Variants in GRHL2 observed in about 807,000 individuals in gnomAD.
GRHL2 encodes the protein grainyhead like transcription factor 2, also known as grainyhead-like protein 2 homolog.
Under a neutral mutation model 83.8 loss-of-function variants are expected in GRHL2, and 21 were observed. The ratio of observed to expected loss-of-function variants is 0.25; its 90% CI spans 0.18 to 0.36. GRHL2 has a LOEUF of 0.36. GRHL2 is among the 10% of genes least tolerant of loss of function. The pLI is 1.00. For synonymous variants in GRHL2, 280 were observed against 278.9 expected, an observed-to-expected ratio of 1.00 and a Z score of -0.04; for missense variants, 623 against 781.8, an observed-to-expected ratio of 0.80 and a Z score of 2.42.
chr8:101,559,353 C>CAAAAAAAAAAAAAAAAAAAA (rs34176940), intron 4 of GRHL2, among the ~76,000 whole-genome samples: 5 of 88,942 alleles, frequency 5.6e-5, no homozygotes, highest in African/African-American at 2.1e-4. Context: ...ACTAAAAATA[C>CAAAAAAAAAAAAAAAAAAAA]AAAAAAAAAA....
rs1250272089 is a variant in GRHL2, at chr8:101,657,646, C to T, written c.1699-6808C>T. 3.9e-5 allele frequency among the ~76,000 whole-genome samples: 6 copies of T among 152,186 alleles called. No homozygotes were observed. The East Asian group carries it at 9.7e-4, about 25-fold the overall frequency. On this transcript the variant is annotated intron_variant, in intron 14 of 15. Coordinates refer to ENST00000646743, the MANE Select transcript of GRHL2 (RefSeq NM_024915.4). ...ACGAGGTCAGGAGATTGAGACCATC[C>T]TGGCTAACATGGTGAAACCCCGTCT... is the stretch of plus-strand genomic sequence containing the variant.
At chr8:101,500,374 T>G (rs1278534678) in intron 1 of GRHL2, among the ~76,000 whole-genome samples, 2 of 152,212 alleles carry the variant, frequency 1.3e-5, no homozygotes, top group African/African-American at 4.8e-5. Flanking sequence ...CTGCATAGTT[T>G]CTTCCTTTGG....
At chr8:101,620,034 T>C (rs1586149658) in intron 9 of GRHL2, among the ~76,000 whole-genome samples, 2 of 152,174 alleles carry the variant, frequency 1.3e-5, no homozygotes, top group African/African-American at 4.8e-5. Context: ...GGCTGGAAAG[T>C]CCAAGGTCAA....
Position 101,643,095 on chromosome 8 carries a change from C to T in GRHL2, c.1518-1036C>T, listed in dbSNP as rs955519511. On this transcript the variant is annotated intron_variant, in intron 12 of 15. Coordinates refer to ENST00000646743, the MANE Select transcript of GRHL2 (RefSeq NM_024915.4). ...CGTGCCTGGTCCCTGGAGGCTTGGC[C>T]CTTAATCCTGAATATTGAAATCTCA... 3.9e-5 allele frequency among the ~76,000 whole-genome samples: 6 copies of T among 152,120 alleles called. No individual in the cohort carries two copies. In the East Asian group the frequency reaches 9.7e-4, roughly 24 times the overall value.
At chr8:101,564,230 T>C (rs1482652865) in intron 4 of GRHL2, among the ~76,000 whole-genome samples, 1 of 152,228 alleles carries the variant, frequency 6.6e-6, no homozygotes, top group Non-Finnish European at 1.5e-5. Flanking sequence ...AATATCCTAC[T>C]ATGATCTTTA....
At chr8:101,517,702 C>G (rs926667669) in intron 1 of GRHL2, among the ~76,000 whole-genome samples, 1 of 152,114 alleles carries the variant, frequency 6.6e-6, no homozygotes, top group Non-Finnish European at 1.5e-5. Flanking sequence ...CAACACTGAC[C>G]TTTGTTTTTT....
At chr8:101,664,368 C>T (rs1012468465) in intron 14 of GRHL2, 86 bp from the exon 15 acceptor site, 9 of 936,164 alleles carry the variant, frequency 9.6e-6, no homozygotes, top group Admixed American at 5.2e-5. Flanking sequence ...GGAAAATGTC[C>T]AAGGGAGTGA....
intron 1 of GRHL2, among the ~76,000 whole-genome samples, chr8:101,540,361 A>G (rs1166618138): frequency 6.6e-6 from 1 of 152,220 alleles, no homozygotes; most frequent in African/African-American, 2.4e-5. Flanking sequence ...ATACTACTTC[A>G]TGTCACCACA....
intron 13 of GRHL2, among the ~76,000 whole-genome samples, chr8:101,648,036 T>C (rs1427602298): frequency 1.3e-5 from 2 of 152,176 alleles, no homozygotes; most frequent in Non-Finnish European, 2.9e-5. Flanking sequence ...TAGATGGCCA[T>C]GGAGCTTCAG....
intron 9 of GRHL2, among the ~76,000 whole-genome samples, chr8:101,627,267 C>G (rs1285933368): frequency 5.3e-5 from 8 of 152,102 alleles, no homozygotes; most frequent in Admixed American, 4.6e-4. Context: ...ATTTTGCCAA[C>G]AGCATGTGTT....
At chr8:101,652,409 TGTG>T (rs1813663312) in intron 14 of GRHL2, among the ~76,000 whole-genome samples, 1 of 102,062 alleles carries the variant, frequency 9.8e-6, no homozygotes, top group Non-Finnish European at 1.8e-5. Flanking sequence ...CTGGTGTGTG[TGTG>T]GTGTGTGTGT....
At chr8:101,564,400 G>A (rs1156359132) in intron 4 of GRHL2, among the ~76,000 whole-genome samples, 1 of 152,158 alleles carries the variant, frequency 6.6e-6, no homozygotes, top group East Asian at 1.9e-4. Context: ...TGCCATTTGA[G>A]ACCAATTCTT....
chr8:101,631,605 G>T, intron 9 of GRHL2, 32 bp from the exon 10 acceptor site: 1 of 1,561,428 alleles, frequency 6.4e-7, no homozygotes, highest in South Asian at 1.1e-5. Context: ...TAATATGCCT[G>T]GCATTTTCTG....
At chr8:101,585,497 C>T (rs1812145577) in intron 7 of GRHL2, among the ~76,000 whole-genome samples, 1 of 152,190 alleles carries the variant, frequency 6.6e-6, no homozygotes, top group Admixed American at 6.5e-5. Context: ...TCCATCCCCA[C>T]GTCCTCCATA....
intron 2 of GRHL2, among the ~76,000 whole-genome samples, chr8:101,547,901 C>T (rs998273813): frequency 2.6e-5 from 4 of 152,184 alleles, no homozygotes; most frequent in East Asian, 1.9e-4. Context: ...CACAGTTGTG[C>T]GACCTTTCCA....
At chr8:101,560,435 G>T (rs1811585491) in intron 4 of GRHL2, among the ~76,000 whole-genome samples, 1 of 152,126 alleles carries the variant, frequency 6.6e-6, no homozygotes, top group African/African-American at 2.4e-5. Context: ...GTTGCTTCCA[G>T]CTTTTGGCTA....
At chr8:101,545,340 CT>C (rs1395848551) in intron 2 of GRHL2, among the ~76,000 whole-genome samples, 1 of 149,010 alleles carries the variant, frequency 6.7e-6, no homozygotes, top group East Asian at 2.0e-4. Context: ...CAAGAAGGAC[CT>C]TAACTTTGGG....
At chr8:101,598,729 G>A (rs1812450248) in intron 7 of GRHL2, among the ~76,000 whole-genome samples, 1 of 151,792 alleles carries the variant, frequency 6.6e-6, no homozygotes, top group Non-Finnish European at 1.5e-5. Context: ...TGAGCAGGAG[G>A]GAGAGTGGGT....
At chr8:101,577,181 C>CTT (rs142364538) in intron 6 of GRHL2, among the ~76,000 whole-genome samples, 1 of 149,144 alleles carries the variant, frequency 6.7e-6, no homozygotes, top group African/African-American at 2.5e-5. Flanking sequence ...ATGTAGGACT[C>CTT]TTTTTTTTTT....
Sources: allele counts gnomAD v4.1 joint callset (sites outside exome capture counted in the v4.1 genomes callset), GRCh38; gene constraint gnomAD v4.1.1; transcripts MANE v1.5; gene names NCBI Gene and HGNC (gene_info 2026-07-23, HGNC 2026-07-21).